ZNF407: variants seen among roughly 807,000 people sequenced by gnomAD.
ZNF407 encodes the protein zinc finger protein 407.
A neutral mutation model predicts 131.2 loss-of-function variants in ZNF407; 17 were observed. The ratio of observed to expected loss-of-function variants is 0.13; its 90% CI spans 0.09 to 0.19. The LOEUF is 0.19. Ranked by LOEUF, ZNF407 falls within the 10% of genes least tolerant of loss-of-function variation. The pLI, the probability that ZNF407 is intolerant of heterozygous loss-of-function variation, is 1.00. For synonymous variants in ZNF407, 1,156 were observed against 1,062.0 expected (o/e 1.09, Z -1.72); for missense variants, 2,681 against 2,830.6 (o/e 0.95, Z 1.20).
intron 4 of ZNF407, among the ~76,000 whole-genome samples, chr18:74,865,441 T>G (rs1256125834): frequency 6.6e-6 from 1 of 152,228 alleles, no homozygotes; most frequent in African/African-American, 2.4e-5. Flanking sequence ...TAATTCTGTA[T>G]GTTTATGTTA....
At chr18:75,054,271 G>A (rs779735639) in intron 8 of ZNF407, among the ~76,000 whole-genome samples, 2 of 152,216 alleles carry the variant, frequency 1.3e-5, no homozygotes, top group Admixed American at 6.5e-5. Context: ...TACCCCAGCC[G>A]TCGGTTCTGT....
chr18:74,655,935 CTAT>C (rs752520142), intron 3 of ZNF407, among the ~76,000 whole-genome samples: 1 of 151,942 alleles, frequency 6.6e-6, no homozygotes, highest in African/African-American at 2.4e-5. Context: ...ACTGCTTATT[CTAT>C]TATTAATAAG....
intron 3 of ZNF407, among the ~76,000 whole-genome samples, chr18:74,662,173 T>G (rs775877138): frequency 3.3e-5 from 5 of 152,212 alleles, no homozygotes; most frequent in Admixed American, 6.5e-5. Context: ...CCTTTTCTGT[T>G]TGCTGCATGC....
At chr18:75,006,204 T>A (rs983794442) in intron 8 of ZNF407, among the ~76,000 whole-genome samples, 2 of 152,216 alleles carry the variant, frequency 1.3e-5, no homozygotes, top group African/African-American at 4.8e-5. Flanking sequence ...TGTTACTTTC[T>A]TGAGAATGAT....
chr18:74,896,505 G>T (rs150996355), intron 7 of ZNF407, among the ~76,000 whole-genome samples: 1,574 of 152,290 alleles, frequency 0.01, 25 homozygotes, highest in African/African-American at 0.035. Context: ...GAAGACAAAT[G>T]TGTCCCCTGA....
intron 3 of ZNF407, among the ~76,000 whole-genome samples, chr18:74,733,716 A>T (rs577446168): frequency 6.6e-6 from 1 of 152,286 alleles, no homozygotes; most frequent in African/African-American, 2.4e-5. Flanking sequence ...GTGAGCCTGG[A>T]CTATTGGAAC....
At chr18:74,658,521 C>G (rs1354572928) in intron 3 of ZNF407, among the ~76,000 whole-genome samples, 2 of 152,034 alleles carry the variant, frequency 1.3e-5, no homozygotes, top group Non-Finnish European at 2.9e-5. Context: ...GGGTAAAGAA[C>G]TCTTAGAGGG....
chr18:74,711,311 A>T (rs1271117087), intron 3 of ZNF407, among the ~76,000 whole-genome samples: 3 of 152,196 alleles, frequency 2.0e-5, no homozygotes, highest in African/African-American at 4.8e-5. Context: ...GGGGAATGAA[A>T]GTTGCAGTGG....
chr18:74,705,950 A>G (rs1967614770), intron 3 of ZNF407, among the ~76,000 whole-genome samples: 1 of 152,228 alleles, frequency 6.6e-6, no homozygotes, highest in African/African-American at 2.4e-5. Flanking sequence ...CTTGTCAGCT[A>G]CTAAAGATCA....
At chr18:74,852,928 C>CTG (rs1970809744) in intron 4 of ZNF407, among the ~76,000 whole-genome samples, 1 of 152,102 alleles carries the variant, frequency 6.6e-6, no homozygotes, top group African/African-American at 2.4e-5. Context: ...TTTCTGTTTG[C>CTG]TGTATAATTT....
intron 8 of ZNF407, among the ~76,000 whole-genome samples, chr18:75,023,529 A>G (rs1973136349): frequency 6.6e-6 from 1 of 152,228 alleles, no homozygotes. Flanking sequence ...TAAGTAAATC[A>G]GAGACTGAAT....
intron 8 of ZNF407, among the ~76,000 whole-genome samples, chr18:75,060,917 A>C (rs928047884): frequency 3.9e-5 from 6 of 152,222 alleles, no homozygotes; most frequent in African/African-American, 1.4e-4. Flanking sequence ...ATACTTTCAA[A>C]TCCAGGACCG....
At chr18:74,626,322 A>G (rs1292625953) in intron 1 of ZNF407, among the ~76,000 whole-genome samples, 2 of 152,262 alleles carry the variant, frequency 1.3e-5, no homozygotes, top group Non-Finnish European at 2.9e-5. Context: ...ATAAAGTTGG[A>G]CGTCCATCTG....
intron 8 of ZNF407, among the ~76,000 whole-genome samples, chr18:74,932,719 T>C (rs939535341): frequency 2.6e-5 from 4 of 152,358 alleles, no homozygotes; most frequent in Middle Eastern, 6.8e-3. Flanking sequence ...TCACTTTTTG[T>C]GTATGATGTG....
At chr18:74,856,009 A>G (rs540451797) in intron 4 of ZNF407, among the ~76,000 whole-genome samples, 2 of 152,342 alleles carry the variant, frequency 1.3e-5, no homozygotes, top group East Asian at 3.9e-4. Context: ...TTTTGTTTAC[A>G]ACACTTACAT....
At chr18:74,819,603 G>A (rs908580692) in intron 4 of ZNF407, among the ~76,000 whole-genome samples, 7 of 152,162 alleles carry the variant, frequency 4.6e-5, no homozygotes, top group African/African-American at 1.4e-4. Context: ...TCGGGGCATG[G>A]CATTCCTAGG....
At chr18:74,720,909 G>GA (rs1271426935) in intron 3 of ZNF407, among the ~76,000 whole-genome samples, 2 of 144,126 alleles carry the variant, frequency 1.4e-5, no homozygotes, top group African/African-American at 5.1e-5. Flanking sequence ...TTGAAGTCTG[G>GA]TAGTGCGATA....
In ZNF407 at chr18:75,063,227, G is replaced by A. The variant is rs749901664; in HGVS notation, c.5506G>A (p.Ala1836Thr). The A allele has an allele frequency of 7.4e-6, 12 of 1,613,448 alleles. No individual in the cohort carries two copies. The highest frequency in any genetic ancestry group is 1.1e-5 in the South Asian group (1 of 91,056). The change falls in exon 9 of 9, where the codon GCG becomes ACG. Residue 1836 changes from alanine (A) to threonine (T), a missense_variant. By Grantham distance (58) the Ala-to-Thr change is moderately conservative. Coordinates refer to ENST00000299687, the MANE Select transcript of ZNF407 (RefSeq NM_017757.3). The surrounding 1 kb of genome is among the most constrained non-coding windows in gnomAD (Gnocchi z 6.6). ...TFVETDSPFT[A>T]AALAEEPLVK... Reference sequence around the variant, plus strand: ...CGTGGAGACAGACAGCCCCTTCACCGCGGCGGCCTTGGCAGAAGAGCCCCT... The same window carrying A: ...CGTGGAGACAGACAGCCCCTTCACCACGGCGGCCTTGGCAGAAGAGCCCCT...
At chr18:74,850,737 C>A (rs935027635) in intron 4 of ZNF407, among the ~76,000 whole-genome samples, 1 of 152,182 alleles carries the variant, frequency 6.6e-6, no homozygotes, top group Non-Finnish European at 1.5e-5. Context: ...ACTCCACACC[C>A]ATGTAGCAGC....
Sources: gnomAD v4.1 joint callset for allele counts (sites outside exome capture counted in the v4.1 genomes callset) on GRCh38, gnomAD v4.1.1 for gene constraint, Gnocchi (gnomAD v3.1) non-coding constraint, MANE v1.5 for transcripts, NCBI Gene and HGNC (gene_info 2026-07-23, HGNC 2026-07-21) for gene names.